EML1: variants seen among roughly 807,000 people sequenced by gnomAD.
The protein encoded by EML1 is echinoderm microtubule-associated protein-like 1.
Under a neutral mutation model 110.4 loss-of-function variants are expected in EML1, and 27 were observed. The observed-to-expected ratio is 0.24, with a 90% confidence interval of 0.18 to 0.34. EML1 has a LOEUF of 0.34. Ranked by LOEUF, EML1 falls within the 10% of genes least tolerant of loss-of-function variation. EML1 has a pLI of 1.00. For synonymous variants in EML1, 344 were observed against 385.8 expected, an observed-to-expected ratio of 0.89 and a Z score of 1.27; for missense variants, 741 against 1,030.9, an observed-to-expected ratio of 0.72 and a Z score of 3.85.
intron 15 of EML1, among the ~76,000 whole-genome samples, chr14:99,917,029 A>G (rs2060045063): frequency 6.6e-6 from 1 of 152,120 alleles, no homozygotes; most frequent in South Asian, 2.1e-4. Flanking sequence ...TGATCCTTCC[A>G]GGCCTCCATA....
At chr14:99,892,138 GC>G in intron 5 of EML1, 1 of 985,402 alleles carries the variant, frequency 1.0e-6, no homozygotes, top group Non-Finnish European at 1.2e-6. Context: ...TCTTTATCTA[GC>G]CCTTCTGTCT....
At chr14:99,810,075 C>T (rs557542205) in intron 1 of EML1, among the ~76,000 whole-genome samples, 29 of 152,254 alleles carry the variant, frequency 1.9e-4, no homozygotes, top group African/African-American at 4.6e-4. Context: ...CTTGTATCTG[C>T]GGACACTCCC....
intron 3 of EML1, among the ~76,000 whole-genome samples, chr14:99,870,818 C>A (rs1207245969): frequency 6.6e-6 from 1 of 152,170 alleles, no homozygotes; most frequent in African/African-American, 2.4e-5. Flanking sequence ...CCAAATATTA[C>A]CATTCATTTA....
At chr14:99,742,755 G>A (rs1035767496) in intron 1 of EML1, among the ~76,000 whole-genome samples, 2 of 152,172 alleles carry the variant, frequency 1.3e-5, no homozygotes, top group African/African-American at 4.8e-5. Flanking sequence ...CCTGGACACA[G>A]GCAGGTCCCT....
rs1023146522 is a variant in EML1 at position 99,866,443 on chromosome 14, G to A, written c.383+797G>A. Among the ~76,000 whole-genome samples the A allele has an allele frequency of 5.3e-4, 81 of 152,102 alleles. 1 individual carries two copies. The highest frequency in any genetic ancestry group is 1.9e-3 in the African/African-American group (78 of 41,422). ...AAATTATCTGAGCGTGGTGGCACAT[G>A]CCTGTGATCCCAGCTACTTGGGAGG... On this transcript the variant is annotated intron_variant, in intron 3 of 21. Transcript: ENST00000262233.
At chr14:99,820,864 C>T (rs931541318) in intron 1 of EML1, among the ~76,000 whole-genome samples, 18 of 151,964 alleles carry the variant, frequency 1.2e-4, no homozygotes, top group African/African-American at 4.1e-4. Flanking sequence ...CACGGAGGCC[C>T]GGTGGCAGAT....
upstream of EML1, among the ~76,000 whole-genome samples, chr14:99,769,271 C>T (rs1435052644): frequency 1.3e-5 from 2 of 152,194 alleles, no homozygotes; most frequent in Non-Finnish European, 2.9e-5. Flanking sequence ...GCAGCAGGTG[C>T]TGAGCACTCG....
At chr14:99,873,836 C>A (rs2059244946) in intron 3 of EML1, among the ~76,000 whole-genome samples, 1 of 152,224 alleles carries the variant, frequency 6.6e-6, no homozygotes, top group Non-Finnish European at 1.5e-5. Context: ...GGGACAAAAG[C>A]CAGGTGGGTC....
At chr14:99,910,187 A>G (rs2059923453) in intron 11 of EML1, 55 bp from the exon 12 acceptor site, 2 of 1,264,232 alleles carry the variant, frequency 1.6e-6, no homozygotes, top group African/African-American at 1.5e-5. Flanking sequence ...TGTCTGGAAT[A>G]TATATATGTT....
chr14:99,936,081 C>T lies in EML1; in HGVS notation c.1962C>T (p.Gly654=), dbSNP rs757231976. Residue 654 remains glycine (G), a synonymous_variant, in exon 18 of 22, where the codon GGC becomes GGT. Coordinates refer to ENST00000262233, the MANE Select transcript of EML1 (RefSeq NM_004434.3). The surrounding 1 kb of genome is among the most constrained non-coding windows in gnomAD (Gnocchi z 5.5). ...ATGACAACTGCATCTATATATATGG[C>T]GTTAGTGACAACGGGAGGAAGTACA... The part of the protein sequence containing the change: ...GSHDNCIYIY[G]VSDNGRKYTR... 22 of 1,614,116 alleles carry T rather than the reference C, an allele frequency of 1.4e-5. No individual in the cohort carries two copies. Among genetic ancestry groups the T allele is most frequent in the Non-Finnish European group, 1.8e-5 (21 of 1,180,046 alleles).
chr14:99,761,917 T>A (rs1380902078), intron 1 of EML1, among the ~76,000 whole-genome samples: 2 of 78,088 alleles, frequency 2.6e-5, no homozygotes, highest in Admixed American at 3.2e-4. Flanking sequence ...AGAGTGAGAC[T>A]CTGTCTCAAA....
At chr14:99,811,799 A>G (rs1255454223) in intron 1 of EML1, among the ~76,000 whole-genome samples, 1 of 144,438 alleles carries the variant, frequency 6.9e-6, no homozygotes, top group African/African-American at 2.4e-5. Flanking sequence ...AACAGGAATG[A>G]GACTATGTCT....
chr14:99,937,437 G>T (rs1336806694), intron 19 of EML1, among the ~76,000 whole-genome samples: 7 of 152,088 alleles, frequency 4.6e-5, no homozygotes, highest in Admixed American at 4.6e-4. Context: ...ACACTGATCT[G>T]AAGGGACTGA....
intron 1 of EML1, among the ~76,000 whole-genome samples, chr14:99,767,529 G>C (rs1267889462): frequency 6.6e-6 from 1 of 152,164 alleles, no homozygotes; most frequent in Non-Finnish European, 1.5e-5. Context: ...TTGAACCCAG[G>C]AAGCGGAGAG....
intron 2 of EML1, among the ~76,000 whole-genome samples, chr14:99,863,233 T>G (rs996478742): frequency 3.9e-5 from 6 of 152,224 alleles, no homozygotes; most frequent in African/African-American, 1.4e-4. Flanking sequence ...TCCTGTTATC[T>G]TTAGTTTTAC....
chr14:99,935,776 C>A (rs1267630145), intron 17 of EML1, among the ~76,000 whole-genome samples: 2 of 105,538 alleles, frequency 1.9e-5, no homozygotes, highest in African/African-American at 9.3e-5. Context: ...AGCGAGACTC[C>A]GTCTCAAAAA....
intron 1 of EML1, among the ~76,000 whole-genome samples, chr14:99,738,340 C>A (rs571770450): frequency 2.0e-5 from 3 of 152,328 alleles, no homozygotes; most frequent in African/African-American, 7.2e-5. Flanking sequence ...CTCTGTGTGC[C>A]CTCATATCCT....
intron 17 of EML1, among the ~76,000 whole-genome samples, chr14:99,927,826 T>A (rs1449425398): frequency 2.3e-5 from 1 of 42,780 alleles, no homozygotes; most frequent in Non-Finnish European, 4.1e-5. Context: ...GTGGTGGTGG[T>A]GGTGGTATTG....
At chr14:99,903,241 A>G (rs536940582) in intron 9 of EML1, among the ~76,000 whole-genome samples, 30 of 152,330 alleles carry the variant, frequency 2.0e-4, no homozygotes, top group South Asian at 1.0e-3. Flanking sequence ...GATGATTTCA[A>G]TCTTCTATTA....
Sources: allele counts gnomAD v4.1 joint callset (sites outside exome capture counted in the v4.1 genomes callset), GRCh38; gene constraint gnomAD v4.1.1; non-coding constraint Gnocchi (gnomAD v3.1); transcripts MANE v1.5; gene names NCBI Gene and HGNC (gene_info 2026-07-23, HGNC 2026-07-21).